The following ICA1 variants were observed in gnomAD, a reference collection of about 807,000 sequenced individuals.
ICA1 encodes the protein 69 kDa islet cell autoantigen.
In ICA1, 40 loss-of-function variants were observed where a neutral mutation model predicts 71.0. The ratio of observed to expected loss-of-function variants is 0.56; its 90% confidence interval spans 0.44 to 0.73. ICA1 has a LOEUF of 0.73. ICA1 is among the 30% of genes least tolerant of loss of function. The pLI, the probability that ICA1 is intolerant of heterozygous loss-of-function variation, is 0.00. For missense variants in ICA1, 578 were observed against 576.5 expected (o/e 1.00, Z -0.03); for synonymous variants, 207 against 209.5 (o/e 0.99, Z 0.10).
chr7:8,235,785 T>C, intron 2 of ICA1, 125 bp downstream of exon 2: 1 of 943,294 alleles, frequency 1.1e-6, no homozygotes. Flanking sequence ...GGCTCAGCAT[T>C]GGTGAGGGCT....
At chr7:8,180,617 T>C (rs1030890994) in intron 6 of ICA1, among the ~76,000 whole-genome samples, 8 of 152,154 alleles carry the variant, frequency 5.3e-5, no homozygotes, top group Non-Finnish European at 8.8e-5. Flanking sequence ...CAGTGCATGA[T>C]AGTTCCTGTT....
At chr7:8,177,155 G>A (rs1033966776) in intron 6 of ICA1, among the ~76,000 whole-genome samples, 13 of 152,060 alleles carry the variant, frequency 8.5e-5, no homozygotes, top group East Asian at 3.8e-4. Context: ...AATTACATCC[G>A]TTGATGTATG....
At chr7:8,195,129 T>G (rs1786994733) in intron 6 of ICA1, among the ~76,000 whole-genome samples, 1 of 152,188 alleles carries the variant, frequency 6.6e-6, no homozygotes, top group African/African-American at 2.4e-5. Context: ...AAATGCCCAA[T>G]ATTGTATGTC....
chr7:8,241,128 T>C (rs989992478), intron 1 of ICA1, among the ~76,000 whole-genome samples: 1 of 151,034 alleles, frequency 6.6e-6, no homozygotes, highest in African/African-American at 2.4e-5. Context: ...TTCACCAAGG[T>C]TGAAATGAAG....
At position 8,138,917 on chromosome 7, in the gene ICA1, C is replaced by T. The variant is rs750518368; in HGVS notation, c.1019-36G>A. The T allele has an allele frequency of 7.5e-6, 12 of 1,595,434 alleles. No individual in the cohort carries two copies. The East Asian group carries it at 2.7e-4, about 36-fold the overall frequency. ...GAGGAAAGAAAACAAAATTATAAGT[C>T]AGTTTCATTTTGTGAGGAGTTTGAG... On this transcript the variant is annotated intron_variant, in intron 11 of 13. Coordinates refer to ENST00000402384, the MANE Select transcript of ICA1 (RefSeq NM_001136020.3).
intron 6 of ICA1, among the ~76,000 whole-genome samples, chr7:8,212,467 G>A (rs939507444): frequency 7.1e-6 from 1 of 140,950 alleles, no homozygotes; most frequent in Non-Finnish European, 1.5e-5. Flanking sequence ...CAGGAAGCTG[G>A]GGCACAAGAA....
chr7:8,129,544 G>T (rs1399729970), intron 12 of ICA1, among the ~76,000 whole-genome samples: 1 of 152,044 alleles, frequency 6.6e-6, no homozygotes, highest in African/African-American at 2.4e-5. Flanking sequence ...AAAAATAGTG[G>T]CAAAACATCA....
At position 8,144,009 on chromosome 7, in the gene ICA1, A is replaced by T. The variant is rs754084525; in HGVS notation, c.805-37T>A. On this transcript the variant is annotated intron_variant, in intron 8 of 13. Coordinates refer to ENST00000402384, the MANE Select transcript of ICA1 (RefSeq NM_001136020.3). The surrounding 1 kb of genome is among the most constrained non-coding windows in gnomAD (Gnocchi z 4.5). Reference sequence around the variant, plus strand: ...GCCATAGAAAAATGAAAAAGAAAAAAAAAGAAGAAGAAATAGAGACAAAAA... The same window carrying T: ...GCCATAGAAAAATGAAAAAGAAAAATAAAGAAGAAGAAATAGAGACAAAAA... 6.8e-6 allele frequency: 8 copies of T among 1,177,488 alleles called. 1 individual carries two copies. In the South Asian group the frequency reaches 1.1e-4, roughly 16 times the overall value. 72.9% of individuals were successfully genotyped at this position (1,177,488 alleles called of 1,614,324 possible).
intron 6 of ICA1, among the ~76,000 whole-genome samples, chr7:8,184,076 C>T (rs1484579885): frequency 6.6e-6 from 1 of 152,162 alleles, no homozygotes; most frequent in Non-Finnish European, 1.5e-5. Context: ...ATAAAAAGAG[C>T]TAGTTAATTT....
intron 6 of ICA1, among the ~76,000 whole-genome samples, chr7:8,211,632 T>C (rs1793824774): frequency 6.6e-6 from 1 of 152,208 alleles, no homozygotes; most frequent in South Asian, 2.1e-4. Flanking sequence ...GTAAATACAT[T>C]GATCACTACT....
At chr7:8,166,469 T>G (rs2128221246) in intron 6 of ICA1, among the ~76,000 whole-genome samples, 1 of 152,288 alleles carries the variant, frequency 6.6e-6, no homozygotes, top group South Asian at 2.1e-4. Flanking sequence ...GACTCTTTCC[T>G]TACACCATAC....
rs151323477 is a variant in ICA1, at chr7:8,189,100, T to C, written c.579+29205A>G. On this transcript the variant is annotated intron_variant, in intron 6 of 13. Transcript: ENST00000402384. ...GAGCTTTTACAGAACCCAGTGCCCA[T>C]TGCAATCATAGCACTTATGAACATT... Among the ~76,000 whole-genome samples, 1,268 of 152,264 alleles carry C rather than the reference T, an allele frequency of 8.3e-3. 9 individuals carry two copies. Among genetic ancestry groups the C allele is most frequent in the Non-Finnish European group, 0.013 (892 of 68,010 alleles).
At chr7:8,209,016 A>C (rs1792662013) in intron 6 of ICA1, among the ~76,000 whole-genome samples, 1 of 152,204 alleles carries the variant, frequency 6.6e-6, no homozygotes, top group Non-Finnish European at 1.5e-5. Flanking sequence ...TCATCCATGA[A>C]ATTCTAGAAG....
At position 8,157,212 on chromosome 7, in the gene ICA1, G is replaced by A; in HGVS notation, c.708C>T (p.Thr236=). 6.3e-7 allele frequency: 1 copy of A among 1,599,846 alleles called. No homozygotes were observed. Among genetic ancestry groups the A allele is most frequent in the Non-Finnish European group, 8.5e-7 (1 of 1,175,498 alleles). ...LLSHMLATYQ[T]TLLHFWEKTS... Reference sequence around the variant, plus strand: ...TTTTCTCCCAAAAATGAAGCAGAGTGGTCTGCAAAGAAAGACAGTAAAGCT... The same window carrying A: ...TTTTCTCCCAAAAATGAAGCAGAGTAGTCTGCAAAGAAAGACAGTAAAGCT... Residue 236 remains threonine, a splice_region_variant and synonymous_variant, in exon 8 of 14, where the codon ACC becomes ACT. Coordinates refer to ENST00000402384, the MANE Select transcript of ICA1 (RefSeq NM_001136020.3).
chr7:8,238,430 T>C (rs2128479309), intron 1 of ICA1, among the ~76,000 whole-genome samples: 1 of 152,338 alleles, frequency 6.6e-6, no homozygotes, highest in East Asian at 1.9e-4. Flanking sequence ...TTGTATATTT[T>C]CTTTGGAGAA....
chr7:8,224,257 G>A (rs1797958133), intron 4 of ICA1, among the ~76,000 whole-genome samples: 1 of 152,126 alleles, frequency 6.6e-6, no homozygotes, highest in Non-Finnish European at 1.5e-5. Context: ...ATAGCCTTGG[G>A]ACTATGAGAG....
At chr7:8,131,382 A>T (rs1791389752) in intron 12 of ICA1, among the ~76,000 whole-genome samples, 1 of 152,252 alleles carries the variant, frequency 6.6e-6, no homozygotes, top group African/African-American at 2.4e-5. Context: ...AAAACTTTTT[A>T]CTAATACATA....
rs1164976372 is a variant in ICA1 at position 8,144,867 on chromosome 7, C to T, written c.805-895G>A. On this transcript the variant is annotated intron_variant, in intron 8 of 13. Transcript: ENST00000402384. This position sits in a 1 kb window ranked among gnomAD's most constrained non-coding sequence, Gnocchi z 4.5. Reference sequence around the variant, plus strand: ...CCAAGTCATGAGCCTGGGGCCTTCACCTTGTTTCTCCTGTCCTTCTCCTGC... The same window carrying T: ...CCAAGTCATGAGCCTGGGGCCTTCATCTTGTTTCTCCTGTCCTTCTCCTGC... Among the ~76,000 whole-genome samples the T allele has an allele frequency of 1.3e-5, 2 of 152,188 alleles. No individual in the cohort carries two copies. Among genetic ancestry groups the T allele is most frequent in the African/African-American group, 4.8e-5 (2 of 41,446 alleles).
intron 1 of ICA1, among the ~76,000 whole-genome samples, chr7:8,246,652 T>C (rs887644747): frequency 1.3e-5 from 2 of 152,238 alleles, no homozygotes; most frequent in African/African-American, 4.8e-5. Flanking sequence ...AGAAACCACC[T>C]TGCTCTGTGG....
Sources: allele counts gnomAD v4.1 joint callset (sites outside exome capture counted in the v4.1 genomes callset), GRCh38; gene constraint gnomAD v4.1.1; non-coding constraint Gnocchi (gnomAD v3.1); transcripts MANE v1.5; gene names NCBI Gene and HGNC (gene_info 2026-07-23, HGNC 2026-07-21).